The following LRP1B variants were observed in gnomAD, a reference collection of about 807,000 sequenced individuals.
The protein encoded by LRP1B is low-density lipoprotein receptor-related protein 1B.
A neutral mutation model predicts 556.6 loss-of-function variants in LRP1B; 217 were observed. The ratio of observed to expected loss-of-function variants is 0.39; its 90% confidence interval spans 0.35 to 0.44. LRP1B has a LOEUF of 0.44. Among genes scored for constraint, LRP1B ranks in the 20% least tolerant of loss-of-function variants. The pLI is 1.00. For synonymous variants in LRP1B, 2,047 were observed against 1,865.8 expected, an observed-to-expected ratio of 1.10 and a Z score of -2.50; for missense variants, 5,053 against 5,620.8, an observed-to-expected ratio of 0.90 and a Z score of 3.23.
intron 41 of LRP1B, among the ~76,000 whole-genome samples, chr2:140,641,856 A>G (rs1466681988): frequency 6.6e-6 from 1 of 152,252 alleles, no homozygotes; most frequent in Non-Finnish European, 1.5e-5. Context: ...AATGAAAATA[A>G]TATTTCTAAA....
At chr2:140,868,369 T>A in intron 25 of LRP1B, 106 bp from the exon 26 acceptor site, 4 of 1,053,414 alleles carry the variant, frequency 3.8e-6, no homozygotes, top group Non-Finnish European at 5.2e-6. Context: ...AGGTGATAAG[T>A]CACAAGAGAA....
At chr2:140,346,007 AC>A (rs963938771) in intron 77 of LRP1B, among the ~76,000 whole-genome samples, 6 of 150,872 alleles carry the variant, frequency 4.0e-5, no homozygotes, top group African/African-American at 1.2e-4. Context: ...TTCCTTTAAT[AC>A]ATTTTAAACA....
chr2:142,000,015 A>G (rs1702608229), intron 1 of LRP1B, among the ~76,000 whole-genome samples: 2 of 139,990 alleles, frequency 1.4e-5, no homozygotes, highest in African/African-American at 2.5e-5. Context: ...ATACACATTT[A>G]TTATATATAC....
intron 1 of LRP1B, among the ~76,000 whole-genome samples, chr2:142,076,094 T>G (rs1047045552): frequency 1.1e-4 from 16 of 152,092 alleles, no homozygotes; most frequent in Non-Finnish European, 1.9e-4. Context: ...ACTGACAGGT[T>G]TTTGCAATAA....
chr2:141,006,265 C>A (rs541873157), intron 14 of LRP1B, among the ~76,000 whole-genome samples: 7 of 152,026 alleles, frequency 4.6e-5, no homozygotes, highest in Admixed American at 2.6e-4. Flanking sequence ...TAATCTCAAA[C>A]ATTTATTATT....
chr2:140,338,737 C>T (rs1305841591), intron 77 of LRP1B, among the ~76,000 whole-genome samples: 1 of 151,630 alleles, frequency 6.6e-6, no homozygotes. Context: ...AGGAAAAGTA[C>T]ACTGACATTC....
At chr2:140,376,288 T>C (rs913771334) in intron 68 of LRP1B, among the ~76,000 whole-genome samples, 1 of 152,192 alleles carries the variant, frequency 6.6e-6, no homozygotes, top group Non-Finnish European at 1.5e-5. Context: ...AAAGAAGTAG[T>C]AGTATTTGAT....
intron 4 of LRP1B, among the ~76,000 whole-genome samples, chr2:141,251,552 G>A (rs529935284): frequency 2.0e-5 from 3 of 152,090 alleles, no homozygotes; most frequent in Non-Finnish European, 4.4e-5. Context: ...TACGGTGATA[G>A]CCAGTGGAAA....
Position 141,961,870 on chromosome 2 carries a change from G to A in LRP1B, c.83-151469C>T, listed in dbSNP as rs191241529. 3.3e-5 allele frequency among the ~76,000 whole-genome samples: 5 copies of A among 151,822 alleles called. No individual in the cohort carries two copies. The East Asian group carries it at 9.7e-4, about 30-fold the overall frequency. ...CCAGGTTATCACATGCTAAATGGAG[G>A]TAAAGCAGATAATGAAATTTATCTG... On this transcript the variant is annotated intron_variant, in intron 1 of 90. Coordinates refer to ENST00000389484, the MANE Select transcript of LRP1B (RefSeq NM_018557.3).
chr2:141,260,424 G>A (rs1684641988), intron 3 of LRP1B, among the ~76,000 whole-genome samples: 1 of 152,128 alleles, frequency 6.6e-6, no homozygotes, highest in Non-Finnish European at 1.5e-5. Context: ...TATGATTTAG[G>A]AAACACATGT....
chr2:140,506,128 C>A (rs1312569824), intron 53 of LRP1B, among the ~76,000 whole-genome samples: 2 of 150,780 alleles, frequency 1.3e-5, no homozygotes, highest in African/African-American at 4.9e-5. Flanking sequence ...GTTTTTTTTA[C>A]TCAAATATTT....
Position 141,662,516 on chromosome 2 carries a change from G to A in LRP1B, c.205+147763C>T, listed in dbSNP as rs569601849. Reference sequence around the variant, plus strand: ...TCAAGCAAATGGAAAGCAGAAAAAAGCACAAGCTGCAATCCTAGTTTCTGA... The same window carrying A: ...TCAAGCAAATGGAAAGCAGAAAAAAACACAAGCTGCAATCCTAGTTTCTGA... On this transcript the variant is annotated intron_variant, in intron 2 of 90. Transcript: ENST00000389484. 5.3e-4 allele frequency among the ~76,000 whole-genome samples: 80 copies of A among 152,044 alleles called. 1 individual carries two copies. In the South Asian group the frequency reaches 0.017, roughly 32 times the overall value.
intron 5 of LRP1B, among the ~76,000 whole-genome samples, chr2:141,238,830 C>T (rs1288341183): frequency 6.6e-6 from 1 of 151,864 alleles, no homozygotes; most frequent in Non-Finnish European, 1.5e-5. Context: ...GGAAACCTTG[C>T]CAAGATGGAA....
At chr2:140,896,668 T>A (rs1337038482) in intron 23 of LRP1B, among the ~76,000 whole-genome samples, 1 of 151,962 alleles carries the variant, frequency 6.6e-6, no homozygotes, top group African/African-American at 2.4e-5. Flanking sequence ...TATTTGTAGG[T>A]AGGGGGTATC....
intron 9 of LRP1B, among the ~76,000 whole-genome samples, chr2:141,056,424 CT>C (rs1415565271): frequency 6.6e-6 from 1 of 151,890 alleles, no homozygotes; most frequent in Non-Finnish European, 1.5e-5. Flanking sequence ...CTCTCCATTT[CT>C]CTGCCCTAGC....
At chr2:141,753,440 T>C (rs910119374) in intron 2 of LRP1B, among the ~76,000 whole-genome samples, 8 of 151,604 alleles carry the variant, frequency 5.3e-5, no homozygotes, top group Non-Finnish European at 8.8e-5. Context: ...CACCAGTTTG[T>C]ACCTAAATGC....
chr2:141,581,512 C>A (rs1686958159), intron 2 of LRP1B, among the ~76,000 whole-genome samples: 1 of 151,882 alleles, frequency 6.6e-6, no homozygotes, highest in Admixed American at 6.6e-5. Context: ...AGAAAGAAAA[C>A]CTATAGCTAT....
intron 2 of LRP1B, among the ~76,000 whole-genome samples, chr2:141,625,243 G>T (rs922242099): frequency 6.6e-6 from 1 of 152,098 alleles, no homozygotes; most frequent in African/African-American, 2.4e-5. Context: ...CCAATACAAT[G>T]CCAACATGAT....
Position 140,781,485 on chromosome 2 carries a change from T to C in LRP1B, c.5360-5247A>G, listed in dbSNP as rs1689695728. ...TCATCTTACAATATTCATTAATCCA[T>C]TTATTCAATTAATATTGACATCTAT... On this transcript the variant is annotated intron_variant, in intron 32 of 90. Coordinates refer to ENST00000389484, the MANE Select transcript of LRP1B (RefSeq NM_018557.3). Among the ~76,000 whole-genome samples the C allele has an allele frequency of 2.6e-5, 4 of 152,208 alleles. No homozygotes were observed. The South Asian group carries it at 6.2e-4, about 24-fold the overall frequency.
Sources: allele counts gnomAD v4.1 joint callset (sites outside exome capture counted in the v4.1 genomes callset), GRCh38; gene constraint gnomAD v4.1.1; transcripts MANE v1.5; gene names NCBI Gene and HGNC (gene_info 2026-07-23, HGNC 2026-07-21).